The following ALPK2 variants were observed in gnomAD, a reference collection of about 807,000 sequenced individuals.
ALPK2 encodes alpha kinase 2.
ALPK2 carries 127 observed loss-of-function variants against 163.1 expected under a neutral mutation model. The ratio of observed to expected loss-of-function variants is 0.78; its 90% CI spans 0.67 to 0.90. The LOEUF is 0.90. Among genes scored for constraint, ALPK2 ranks in the 40% least tolerant of loss-of-function variants. ALPK2 has a pLI of 0.00. For missense variants in ALPK2, 2,360 were observed against 2,589.6 expected (o/e 0.91, Z 1.92); for synonymous variants, 953 against 959.1 (o/e 0.99, Z 0.12).
intron 1 of ALPK2, among the ~76,000 whole-genome samples, chr18:58,621,190 TA>T (rs548443252): frequency 1.3e-5 from 2 of 148,156 alleles, no homozygotes; most frequent in African/African-American, 5.0e-5. Context: ...GATAATGGAA[TA>T]AAAAAAATGC....
intron 2 of ALPK2, among the ~76,000 whole-genome samples, chr18:58,610,536 TC>T (rs747532312): frequency 6.6e-6 from 1 of 152,208 alleles, no homozygotes; most frequent in African/African-American, 2.4e-5. Context: ...AGAATCCCAG[TC>T]CCCTGTTTTT....
intron 4 of ALPK2, among the ~76,000 whole-genome samples, chr18:58,563,172 C>A (rs1280364418): frequency 1.3e-5 from 2 of 152,136 alleles, no homozygotes; most frequent in Non-Finnish European, 2.9e-5. Flanking sequence ...TTACAACACT[C>A]ATTTTTAGAG....
chr18:58,604,702 A>G (rs1454273592), intron 3 of ALPK2, among the ~76,000 whole-genome samples: 1 of 152,136 alleles, frequency 6.6e-6, no homozygotes, highest in Non-Finnish European at 1.5e-5. Context: ...TAGACGGGCT[A>G]TTTTTCAAAA....
chr18:58,619,219 A>C (rs910003106), intron 1 of ALPK2, among the ~76,000 whole-genome samples: 1 of 152,194 alleles, frequency 6.6e-6, no homozygotes, highest in East Asian at 1.9e-4. Flanking sequence ...AAGGCTGGGC[A>C]CTTCACAGAC....
intron 3 of ALPK2, among the ~76,000 whole-genome samples, chr18:58,585,673 T>C (rs71357607): frequency 0.13 from 19,403 of 147,072 alleles, 1,394 homozygotes; most frequent in Non-Finnish European, 0.15. Context: ...TCCACCATTC[T>C]ATGTTGCTTT....
intron 12 of ALPK2, among the ~76,000 whole-genome samples, chr18:58,487,368 G>A (rs2051344941): frequency 6.6e-6 from 1 of 152,120 alleles, no homozygotes; most frequent in African/African-American, 2.4e-5. Flanking sequence ...CCAGAGGAGA[G>A]GCATGGAACA....
At position 58,536,238 on chromosome 18, in the gene ALPK2, C is replaced by T. The variant is rs771196152; in HGVS notation, c.3949G>A (p.Glu1317Lys). 4.1e-5 allele frequency: 66 copies of T among 1,614,084 alleles called. No individual in the cohort carries two copies. The highest frequency in any genetic ancestry group is 5.3e-5 in the Non-Finnish European group (62 of 1,180,036). Reference sequence around the variant, plus strand: ...CAATGTACACTGATGGTGGGCTCTTCGCCTTTATGGCTTTCTCTGCTATCA... The same window carrying T: ...CAATGTACACTGATGGTGGGCTCTTTGCCTTTATGGCTTTCTCTGCTATCA... ...LADSRESHKG[E>K]EPTISVHWRS... Residue 1317 changes from glutamate to lysine, a missense_variant, in exon 5 of 13, where the codon GAA becomes AAA. Glu to Lys is a moderately conservative substitution (Grantham distance 56). Transcript: ENST00000361673.
rs2051634452 is a variant in ALPK2 at position 58,534,845 on chromosome 18, C to T, written c.5342G>A (p.Arg1781Lys). ...CAACAGAACCTCACCTCTTCCTTCT[C>T]TTTTGCAAGATGGCTTTTTTGGGTC... ...KQDPKKPSCKREGRAPVLLKK... is the reference protein window; with the variant it reads ...KQDPKKPSCKKEGRAPVLLKK... The change falls in exon 5 of 13, where the codon AGA becomes AAA. Residue 1781 changes from arginine to lysine, a missense_variant. Physicochemically the swap from Arg to Lys is conservative, Grantham distance 26. Transcript: ENST00000361673. The T allele has an allele frequency of 6.2e-7, 1 of 1,608,406 alleles. No homozygotes were observed. The highest frequency in any genetic ancestry group is 8.5e-7 in the Non-Finnish European group (1 of 1,178,008).
At chr18:58,497,463 A>G (rs7227061) in intron 12 of ALPK2, among the ~76,000 whole-genome samples, 16,559 of 152,182 alleles carry the variant, frequency 0.11, 1,142 homozygotes, top group East Asian at 0.33. Context: ...AAATGTGATC[A>G]TAGCATCATC....
intron 10 of ALPK2, among the ~76,000 whole-genome samples, chr18:58,511,190 A>G (rs1419260714): frequency 1.3e-5 from 2 of 152,150 alleles, no homozygotes; most frequent in East Asian, 3.8e-4. Flanking sequence ...GATTATGTTT[A>G]TTGATTTGCA....
At chr18:58,615,818 G>A (rs1451144616) in intron 1 of ALPK2, among the ~76,000 whole-genome samples, 1 of 152,222 alleles carries the variant, frequency 6.6e-6, no homozygotes, top group Non-Finnish European at 1.5e-5. Context: ...AGGAGCTTCT[G>A]TGTCATCTGT....
Position 58,529,125 on chromosome 18 carries a change from T to C in ALPK2, c.5467A>G (p.Lys1823Glu). ...IHEDSTICWTKDSKSIAQVQR... is the reference protein window; with the variant it reads ...IHEDSTICWTEDSKSIAQVQR... ...ACTTGGGCTATGGACTTTGAATCTT[T>C]TGTCCAGCAGATAGTAGAATCTTCA... Residue 1823 changes from lysine to glutamate, a missense_variant, in exon 6 of 13, where the codon AAA becomes GAA. Physicochemically the swap from Lys to Glu is moderately conservative, Grantham distance 56. Coordinates refer to ENST00000361673, the MANE Select transcript of ALPK2 (RefSeq NM_052947.4). 2 of 1,614,162 alleles carry C rather than the reference T, an allele frequency of 1.2e-6. No homozygotes were observed. Among genetic ancestry groups the C allele is most frequent in the Non-Finnish European group, 1.7e-6 (2 of 1,179,988 alleles).
Position 58,535,030 on chromosome 18 carries a change from G to C in ALPK2, c.5157C>G (p.Gly1719=), listed in dbSNP as rs773591003. The change falls in exon 5 of 13, where the codon GGC becomes GGG. Residue 1719 remains glycine (G), a synonymous_variant. Coordinates refer to ENST00000361673, the MANE Select transcript of ALPK2 (RefSeq NM_052947.4). The part of the protein sequence containing the change: ...EEVKRKPEAP[G]SGHLAEGVKK... ...TTACTCCCTCAGCTAAATGTCCACT[G>C]CCTGGGGCTTCTGGCTTCCTCTTGA... The C allele has an allele frequency of 1.2e-6, 2 of 1,614,112 alleles. No homozygotes were observed. The highest frequency in any genetic ancestry group is 1.7e-6 in the Non-Finnish European group (2 of 1,180,004).
chr18:58,556,002 A>G (rs747779737), intron 4 of ALPK2, among the ~76,000 whole-genome samples: 22 of 152,170 alleles, frequency 1.4e-4, no homozygotes, highest in Non-Finnish European at 2.4e-4. Flanking sequence ...TTGTATTTTT[A>G]GTAGAGACGA....
At chr18:58,561,367 C>T (rs529049505) in intron 4 of ALPK2, among the ~76,000 whole-genome samples, 9 of 152,148 alleles carry the variant, frequency 5.9e-5, no homozygotes, top group African/African-American at 1.9e-4. Flanking sequence ...CAGGAATGGG[C>T]CAGAATCCTT....
In ALPK2 at chr18:58,536,077, G is replaced by A. The variant is rs192122124; in HGVS notation, c.4110C>T (p.Asn1370=). ...ASETGGKENV[N]NVSQDQEEKQ... ...TTTCCTCCTGGTCTTGACTCACATT[G>A]TTAACATTTTCCTTCCCTCCAGTTT... is the stretch of plus-strand genomic sequence containing the variant. Residue 1370 remains asparagine (N), a synonymous_variant, in exon 5 of 13, where the codon AAC becomes AAT. Transcript: ENST00000361673. 7 of 1,614,138 alleles carry A rather than the reference G, an allele frequency of 4.3e-6. No individual in the cohort carries two copies. Among genetic ancestry groups the A allele is most frequent in the East Asian group, 4.5e-5 (2 of 44,884 alleles).
intron 1 of ALPK2, among the ~76,000 whole-genome samples, chr18:58,615,490 T>C (rs962780353): frequency 1.3e-5 from 2 of 152,320 alleles, no homozygotes; most frequent in East Asian, 1.9e-4. Flanking sequence ...GGAATGATAA[T>C]AGTCTAAGGA....
intron 3 of ALPK2, among the ~76,000 whole-genome samples, chr18:58,589,562 T>A (rs2052004832): frequency 6.6e-6 from 1 of 152,170 alleles, no homozygotes. Flanking sequence ...GAACGATTTA[T>A]TTTTTTCTAG....
At chr18:58,608,789 A>G (rs1218558046) in intron 2 of ALPK2, among the ~76,000 whole-genome samples, 1 of 152,062 alleles carries the variant, frequency 6.6e-6, no homozygotes, top group Admixed American at 6.5e-5. Context: ...TCATCTCTAG[A>G]AACAATACAA....
Sources: gnomAD v4.1 joint callset for allele counts (sites outside exome capture counted in the v4.1 genomes callset) on GRCh38, gnomAD v4.1.1 for gene constraint, MANE v1.5 for transcripts, NCBI Gene and HGNC (gene_info 2026-07-23, HGNC 2026-07-21) for gene names.